The following WT1 variants were observed in gnomAD, a reference collection of about 807,000 sequenced individuals.
The protein encoded by WT1 is WT1 transcription factor, also known as Wilms tumor protein.
In WT1, 8 loss-of-function variants were observed where a neutral mutation model predicts 60.8. The ratio of observed to expected loss-of-function variants is 0.13; its 90% confidence interval spans 0.08 to 0.24. The LOEUF is 0.24. WT1 is among the 10% of genes least tolerant of loss of function. WT1 has a pLI of 1.00. For synonymous variants in WT1, 312 were observed against 297.1 expected (o/e 1.05, Z -0.52); for missense variants, 568 against 711.8 (o/e 0.80, Z 2.30).
chr11:32,400,198 G>A, intron 5 of WT1, 154 bp from the exon 6 acceptor site: 7 of 881,598 alleles, frequency 7.9e-6, no homozygotes, highest in Admixed American at 2.0e-5. Context: ...TTTAGATGCA[G>A]GGTTCTGCGG....
intron 1 of WT1, chr11:32,430,487 A>AGAGAGAGAGAGAGAGAGAGAGAGAGG: frequency 6.3e-7 from 1 of 1,591,040 alleles, no homozygotes; most frequent in Non-Finnish European, 8.5e-7. Context: ...AGAGAGAGAG[A>AGAGAGAGAGAGAGAGAGAGAGAGAGG]GAGACGAAAT....
In WT1 at chr11:32,392,071, G is replaced by A. The variant is rs767729335; in HGVS notation, c.1355-7C>T. 4 of 1,613,708 alleles carry A rather than the reference G, an allele frequency of 2.5e-6. No individual in the cohort carries two copies. The highest frequency in any genetic ancestry group is 8.5e-7 in the Non-Finnish European group (1 of 1,179,728). On this transcript the variant is annotated splice_polypyrimidine_tract_variant and splice_region_variant and intron_variant, in intron 8 of 9. Transcript: ENST00000452863. The stretch of plus-strand genomic sequence containing the variant: ...CACTGGAATGGTTTCACACCTAAAT[G>A]GACAGAGAAGGTCTAGCCTCGGCCC...
intron 7 of WT1, among the ~76,000 whole-genome samples, chr11:32,393,691 C>T (rs1008362133): frequency 1.3e-5 from 2 of 152,186 alleles, no homozygotes; most frequent in African/African-American, 2.4e-5. Context: ...ACTAAATGTC[C>T]CCCATCCCTA....
chr11:32,400,587 C>A (rs1852124977), intron 5 of WT1: 1 of 223,860 alleles, frequency 4.5e-6, no homozygotes, highest in Non-Finnish European at 8.9e-6. Flanking sequence ...ATCAGCTTAA[C>A]TCTTGGTAGC....
chr11:32,395,488 T>C (rs1001763965), intron 7 of WT1, among the ~76,000 whole-genome samples: 4 of 152,056 alleles, frequency 2.6e-5, no homozygotes, highest in African/African-American at 9.7e-5. Context: ...TTTTTTTTTT[T>C]TTTGGCAGAG....
At chr11:32,430,486 G>GCGAGAGAGAGAGAGAGAGAGAC (rs1853259859) in intron 1 of WT1, 1 of 1,570,744 alleles carries the variant, frequency 6.4e-7, no homozygotes, top group African/African-American at 1.5e-5. Flanking sequence ...GAGAGAGAGA[G>GCGAGAGAGAGAGAGAGAGAGAC]AGAGACGAAA....
intron 9 of WT1, 140 bp downstream of exon 9, chr11:32,391,832 C>T: frequency 1.3e-6 from 1 of 794,714 alleles, no homozygotes. Flanking sequence ...TTAAAGATAG[C>T]CACGCACTAT....
intron 5 of WT1, chr11:32,400,383 T>G (rs1282541111): frequency 2.5e-6 from 1 of 408,048 alleles, no homozygotes; most frequent in African/African-American, 2.0e-5. Flanking sequence ...GGCTGACAGC[T>G]GCAGGTATCT....
At chr11:32,407,168 A>G (rs1205397512) in intron 5 of WT1, among the ~76,000 whole-genome samples, 1 of 152,124 alleles carries the variant, frequency 6.6e-6, no homozygotes, top group Non-Finnish European at 1.5e-5. Flanking sequence ...AAAGAGAAAA[A>G]TGTCCCTCAT....
Position 32,390,089 on chromosome 11 carries a change from G to T in WT1, c.1448-910C>A, listed in dbSNP as rs5030307. On this transcript the variant is annotated intron_variant, in intron 9 of 9. Coordinates refer to ENST00000452863, the MANE Select transcript of WT1 (RefSeq NM_024426.6). ...CAGAACTCAAATCTCCAGGTCTGTCGAATTCCAGAGCCCGTGCTCTTCCCT... is the reference window on the plus strand; with the variant it reads ...CAGAACTCAAATCTCCAGGTCTGTCTAATTCCAGAGCCCGTGCTCTTCCCT... Among the ~76,000 whole-genome samples the T allele has an allele frequency of 7.3e-3, 1,104 of 152,208 alleles. 13 individuals are homozygous for T. Among genetic ancestry groups the T allele is most frequent in the African/African-American group, 0.025 (1,034 of 41,524 alleles).
rs2132942337 is a variant in WT1 at position 32,396,407 on chromosome 11, C to G, written c.1114G>C (p.Asp372His). The change falls in exon 7 of 10, where the codon GAT becomes CAT. Residue 372 changes from aspartate (D) to histidine (H), a missense_variant and splice_region_variant. By Grantham distance (81) the Asp-to-His change is moderately conservative. Around this residue, in one of 3 missense-constraint regions of WT1, gnomAD observed 523 missense variants for 565.1 expected, o/e 0.93. Coordinates refer to ENST00000452863, the MANE Select transcript of WT1 (RefSeq NM_024426.6). ...GCTACTCCAGGCACACGTCGCACAT[C>G]CTGCAGGCAGAGAGTAAGAGGAAGG... is the stretch of plus-strand genomic sequence containing the variant. 2 of 1,613,752 alleles carry G rather than the reference C, an allele frequency of 1.2e-6. No homozygotes were observed. Among genetic ancestry groups the G allele is most frequent in the Non-Finnish European group, 1.7e-6 (2 of 1,180,042 alleles).
chr11:32,409,483 G>C (rs1852427707), intron 5 of WT1, among the ~76,000 whole-genome samples: 1 of 151,980 alleles, frequency 6.6e-6, no homozygotes, highest in South Asian at 2.1e-4. Flanking sequence ...TATTTTTAGA[G>C]AGATGGTCTC....
chr11:32,408,515 A>T (rs1458250403), intron 5 of WT1, among the ~76,000 whole-genome samples: 61 of 31,388 alleles, frequency 1.9e-3, no homozygotes, highest in African/African-American at 4.2e-3. Context: ...ACTACGTCTT[A>T]AAAAAAAAAA....
intron 3 of WT1, among the ~76,000 whole-genome samples, chr11:32,427,240 C>T (rs772528702): frequency 5.3e-5 from 8 of 152,340 alleles, no homozygotes; most frequent in Non-Finnish European, 7.3e-5. Context: ...CCAAGTTCAC[C>T]CAAAGTTGAA....
At position 32,408,342 on chromosome 11, in the gene WT1, G is replaced by A. The variant is rs543031030; in HGVS notation, c.1016+8148C>T. Among the ~76,000 whole-genome samples, 14 of 151,510 alleles carry A rather than the reference G, an allele frequency of 9.2e-5. No individual in the cohort carries two copies. The South Asian group carries it at 1.9e-3, about 20-fold the overall frequency. On this transcript the variant is annotated intron_variant, in intron 5 of 9. Transcript: ENST00000452863. ...ATCCTGGCTAACATGGTGAAACCCC[G>A]TCTCTACTAAAAAATACAAAACATT...
chr11:32,410,907 T>G (rs1183485428), intron 5 of WT1, among the ~76,000 whole-genome samples: 1 of 152,232 alleles, frequency 6.6e-6, no homozygotes, highest in African/African-American at 2.4e-5. Flanking sequence ...ATCAATGTTC[T>G]TCTACCTAGA....
intron 1 of WT1, among the ~76,000 whole-genome samples, chr11:32,433,578 C>G (rs1853379961): frequency 6.6e-6 from 1 of 152,218 alleles, no homozygotes; most frequent in African/African-American, 2.4e-5. Flanking sequence ...GAAAAGCATC[C>G]GCCATTGTAT....
rs1036899554 is a variant in WT1 at position 32,435,143 on chromosome 11, T to A, written c.218A>T (p.Gln73Leu). Residue 73 changes from glutamine to leucine, a missense_variant, in exon 1 of 10, where the codon CAA becomes CTA. Physicochemically the swap from Gln to Leu is moderately radical, Grantham distance 113. Coordinates refer to ENST00000452863, the MANE Select transcript of WT1 (RefSeq NM_024426.6). ...CAGGTCCCGCACGTCGGAGCCCATT[T>A]GCTGCGGCTCAGACCCGGACGCCCC... The A allele has an allele frequency of 3.2e-5, 49 of 1,520,270 alleles. 1 individual carries two copies. The Middle Eastern group carries it at 1.0e-3, about 32-fold the overall frequency. 94.2% of individuals were successfully genotyped at this position (1,520,270 alleles called of 1,614,324 possible). A position where few individuals can be genotyped will look rare whatever the true frequency, so the allele number is the denominator to read the frequency against.
rs886048234 is a variant in WT1, at chr11:32,435,391, C to A, written c.-31G>T. The A allele has an allele frequency of 2.4e-6, 3 of 1,250,816 alleles. No homozygotes were observed. Among genetic ancestry groups the A allele is most frequent in the Non-Finnish European group, 3.1e-6 (3 of 969,116 alleles). The allele number at this position is 1,250,816 out of a possible 1,614,324, so 77.5% of individuals were successfully genotyped here. ...CGGCGAGGAGACGGCGGGGCCCGGG[C>A]GCCTGGGCTGCCGTCCCGGCTCTGG... On this transcript the variant is annotated 5_prime_UTR_variant, in exon 1 of 10. Coordinates refer to ENST00000452863, the MANE Select transcript of WT1 (RefSeq NM_024426.6).
Sources: allele counts gnomAD v4.1 joint callset (sites outside exome capture counted in the v4.1 genomes callset), GRCh38; gene constraint gnomAD v4.1.1; regional missense constraint gnomAD v4.1.1; transcripts MANE v1.5; gene names NCBI Gene and HGNC (gene_info 2026-07-23, HGNC 2026-07-21).